The following PREX2 variants were observed in gnomAD, a reference collection of about 807,000 sequenced individuals.
The protein encoded by PREX2 is phosphatidylinositol-3,4,5-trisphosphate dependent Rac exchange factor 2.
In PREX2, 107 loss-of-function variants were observed where a neutral mutation model predicts 203.2. The observed-to-expected ratio is 0.53, with a 90% confidence interval of 0.45 to 0.62. The LOEUF (loss-of-function observed/expected upper bound fraction) is 0.62. PREX2 is among the 20% of genes least tolerant of loss of function. PREX2 has a pLI of 0.00. For missense variants in PREX2, 1,777 were observed against 1,955.9 expected, an observed-to-expected ratio of 0.91 and a Z score of 1.72; for synonymous variants, 672 against 663.6, an observed-to-expected ratio of 1.01 and a Z score of -0.19.
chr8:68,089,250 C>T (rs1419276017), intron 19 of PREX2, among the ~76,000 whole-genome samples: 1 of 151,010 alleles, frequency 6.6e-6, no homozygotes, highest in Admixed American at 6.6e-5. Flanking sequence ...TAGTGTCTCC[C>T]AATTGACTGT....
intron 35 of PREX2, 96 bp downstream of exon 35, chr8:68,157,532 A>C: frequency 1.9e-6 from 1 of 536,830 alleles, no homozygotes; most frequent in Non-Finnish European, 3.3e-6. Context: ...TTAGATTATT[A>C]ATGACATTTC....
intron 1 of PREX2, among the ~76,000 whole-genome samples, chr8:67,976,519 CAGAGACAG>C (rs140455270): frequency 0.081 from 3,741 of 45,970 alleles, 86 homozygotes; most frequent in East Asian, 0.18. Context: ...CAGACAGAGA[CAGAGACAG>C]AGAGAGAGAG....
At chr8:68,026,953 C>T (rs1353168496) in intron 4 of PREX2, among the ~76,000 whole-genome samples, 7 of 152,044 alleles carry the variant, frequency 4.6e-5, no homozygotes, top group Non-Finnish European at 1.0e-4. Flanking sequence ...TTCATCTCTC[C>T]ATCTCTTTCC....
chr8:68,017,954 G>A, intron 2 of PREX2, 37 bp downstream of exon 2: 2 of 1,535,042 alleles, frequency 1.3e-6, no homozygotes, highest in African/African-American at 1.4e-5. Context: ...CTGAGCATGA[G>A]TTTCCTATAG....
intron 39 of PREX2, among the ~76,000 whole-genome samples, chr8:68,228,057 G>A (rs1004867539): frequency 6.6e-6 from 1 of 152,056 alleles, no homozygotes; most frequent in Non-Finnish European, 1.5e-5. Flanking sequence ...TCAAGTGAAT[G>A]GGTATTGTGA....
intron 37 of PREX2, among the ~76,000 whole-genome samples, chr8:68,206,349 A>G (rs1389979703): frequency 6.6e-6 from 1 of 152,224 alleles, no homozygotes; most frequent in Non-Finnish European, 1.5e-5. Flanking sequence ...TGTGCTTTTG[A>G]TAGCGAATCC....
At chr8:68,083,117 G>A (rs1177624977) in intron 17 of PREX2, 123 bp from the exon 18 acceptor site, 5 of 606,910 alleles carry the variant, frequency 8.2e-6, no homozygotes, top group East Asian at 5.6e-5. Context: ...ATAAAAACAC[G>A]GCAGGTGTGT....
intron 1 of PREX2, among the ~76,000 whole-genome samples, chr8:67,963,812 A>G (rs1457607162): frequency 6.6e-6 from 1 of 152,220 alleles, no homozygotes; most frequent in Non-Finnish European, 1.5e-5. Context: ...GTTTGTGGCT[A>G]GGAAAGCCAT....
At chr8:68,139,175 T>A (rs763054455) in intron 33 of PREX2, among the ~76,000 whole-genome samples, 1 of 152,134 alleles carries the variant, frequency 6.6e-6, no homozygotes, top group South Asian at 2.1e-4. Context: ...AAGGCAATTA[T>A]GTGAAAGATA....
intron 31 of PREX2, among the ~76,000 whole-genome samples, chr8:68,130,791 C>T (rs1248688625): frequency 2.6e-5 from 4 of 152,200 alleles, no homozygotes; most frequent in Admixed American, 2.6e-4. Context: ...TGAATGCCCA[C>T]TGTGCTATAT....
intron 35 of PREX2, among the ~76,000 whole-genome samples, chr8:68,190,176 T>C (rs1812264441): frequency 6.6e-6 from 1 of 152,190 alleles, no homozygotes. Context: ...TTTGAAGTCC[T>C]ACAGATGCTC....
At chr8:68,036,898 C>T (rs1018122507) in intron 6 of PREX2, among the ~76,000 whole-genome samples, 51 of 152,162 alleles carry the variant, frequency 3.4e-4, no homozygotes, top group African/African-American at 1.2e-3. Flanking sequence ...CAATATCGTG[C>T]CATTGCACTC....
At chr8:68,130,174 C>T (rs1254259218) in intron 31 of PREX2, among the ~76,000 whole-genome samples, 1 of 151,634 alleles carries the variant, frequency 6.6e-6, no homozygotes, top group African/African-American at 2.4e-5. Context: ...CCTGCAGTCC[C>T]AGCTATTTGG....
chr8:68,201,545 A>T (rs1812502418), intron 37 of PREX2, among the ~76,000 whole-genome samples: 1 of 152,182 alleles, frequency 6.6e-6, no homozygotes, highest in Non-Finnish European at 1.5e-5. Flanking sequence ...TGGGAGGCTA[A>T]GCCAGTCTAA....
chr8:68,032,556 GC>G (rs1405519358), intron 6 of PREX2, among the ~76,000 whole-genome samples: 6 of 152,136 alleles, frequency 3.9e-5, no homozygotes, highest in Non-Finnish European at 7.4e-5. Context: ...GCCTGTCCCA[GC>G]CCACCACCCC....
At chr8:68,018,007 G>C in intron 2 of PREX2, 90 bp downstream of exon 2, 2 of 885,090 alleles carry the variant, frequency 2.3e-6, no homozygotes, top group Non-Finnish European at 3.7e-6. Context: ...CCCTTCAGTT[G>C]ATCGGCAGTT....
At position 68,109,604 on chromosome 8, in the gene PREX2, T is replaced by G; in HGVS notation, c.3127T>G (p.Cys1043Gly). The G allele has an allele frequency of 6.2e-7, 1 of 1,613,902 alleles. No individual in the cohort carries two copies. The highest frequency in any genetic ancestry group is 8.5e-7 in the Non-Finnish European group (1 of 1,179,830). ...LQTALKEVEM[C>G]VCQIDDLLSS... ...GACTGCACTGAAAGAGGTGGAGATG[T>G]GTGTTTGTCAAATAGATGAGTAAGT... Residue 1043 changes from cysteine (C) to glycine (G), a missense_variant, in exon 25 of 40, where the codon TGT (cysteine) becomes GGT (glycine). Physicochemically the swap from Cys to Gly is radical, Grantham distance 159. Transcript: ENST00000288368.
chr8:68,076,401 G>A (rs1451617147), intron 14 of PREX2, among the ~76,000 whole-genome samples: 2 of 152,064 alleles, frequency 1.3e-5, no homozygotes, highest in Non-Finnish European at 2.9e-5. Context: ...ACGTTGCGGT[G>A]AGCTGAGATC....
intron 1 of PREX2, among the ~76,000 whole-genome samples, chr8:67,970,821 A>G (rs1805905405): frequency 6.6e-6 from 1 of 152,198 alleles, no homozygotes; most frequent in Non-Finnish European, 1.5e-5. Context: ...CACTTCATCC[A>G]CCTGCTAACA....
Sources: allele counts gnomAD v4.1 joint callset (sites outside exome capture counted in the v4.1 genomes callset), GRCh38; gene constraint gnomAD v4.1.1; transcripts MANE v1.5; gene names NCBI Gene and HGNC (gene_info 2026-07-23, HGNC 2026-07-21).